MEGF9: variants seen among roughly 807,000 people sequenced by gnomAD.
MEGF9 encodes the protein multiple EGF like domains 9.
A neutral mutation model predicts 46.8 loss-of-function variants in MEGF9; 6 were observed. The observed-to-expected ratio is 0.13, with a 90% CI of 0.07 to 0.25. The LOEUF (loss-of-function observed/expected upper bound fraction) is 0.25. MEGF9 is among the 10% of genes least tolerant of loss of function. The probability of loss-of-function intolerance (pLI) is 1.00; values close to 1 mark genes in which losing one functional copy is unlikely to be tolerated. For synonymous variants in MEGF9, 302 were observed against 330.7 expected, an observed-to-expected ratio of 0.91 and a Z score of 0.94; for missense variants, 683 against 792.4, an observed-to-expected ratio of 0.86 and a Z score of 1.66.
chr9:120,638,619 C>T (rs767102513), intron 2 of MEGF9, among the ~76,000 whole-genome samples: 10 of 152,168 alleles, frequency 6.6e-5, no homozygotes, highest in African/African-American at 1.2e-4. Context: ...CCATCAGCAA[C>T]GGAATAATGG....
At chr9:120,650,622 G>A (rs1211918742) in intron 2 of MEGF9, among the ~76,000 whole-genome samples, 2 of 152,204 alleles carry the variant, frequency 1.3e-5, no homozygotes, top group African/African-American at 4.8e-5. Flanking sequence ...ATAAAGAATA[G>A]GGAAATGAAT....
At chr9:120,656,546 C>CA (rs11446439) in intron 2 of MEGF9, among the ~76,000 whole-genome samples, 53,777 of 88,642 alleles carry the variant, frequency 0.61, 16,571 homozygotes, top group South Asian at 0.71. Context: ...GACTCCGTCT[C>CA]AAAAAAAAAA....
chr9:120,659,405 G>T lies in MEGF9; in HGVS notation c.772C>A (p.Pro258Thr). The part of the protein sequence containing the change: ...SGLCQPCDCS[P>T]HGALSIPCNS... ...CACGGTATGCTGAGAGCTCCATGTG[G>T]ACTACAGTCACATGGCTGACAGAGC... is the stretch of plus-strand genomic sequence containing the variant. The change falls in exon 2 of 6, where the codon CCA becomes ACA. Residue 258 changes from proline (P) to threonine (T), a missense_variant. Coordinates refer to ENST00000373930, the MANE Select transcript of MEGF9 (RefSeq NM_001080497.3). 1.2e-6 allele frequency: 2 copies of T among 1,613,774 alleles called. No individual in the cohort carries two copies. Among genetic ancestry groups the T allele is most frequent in the Non-Finnish European group, 1.7e-6 (2 of 1,179,822 alleles).
chr9:120,713,656 T>A, intron 1 of MEGF9, 102 bp downstream of exon 1: 1 of 1,232,080 alleles, frequency 8.1e-7, no homozygotes, highest in Non-Finnish European at 1.0e-6. Flanking sequence ...ACCTGGGGTG[T>A]CTTTGGGGTA....
chr9:120,691,295 T>C (rs1587997369), intron 1 of MEGF9: 1 of 291,874 alleles, frequency 3.4e-6, no homozygotes, highest in Admixed American at 5.6e-5. Context: ...GGCCATGGAG[T>C]GATAGTTGGT....
rs551573174 is a variant in MEGF9 at position 120,704,653 on chromosome 9, C to T, written c.601+9105G>A. Among the ~76,000 whole-genome samples, 6 of 152,236 alleles carry T rather than the reference C, an allele frequency of 3.9e-5. No homozygotes were observed. In the South Asian group the frequency reaches 1.0e-3, roughly 26 times the overall value. On this transcript the variant is annotated intron_variant, in intron 1 of 5. Coordinates refer to ENST00000373930, the MANE Select transcript of MEGF9 (RefSeq NM_001080497.3). ...CTATAAAGGTTTGATCAATATTCAC[C>T]AATAAAAGTACAGAGGACATAAGCC...
At chr9:120,677,841 C>G (rs2043780222) in intron 1 of MEGF9, among the ~76,000 whole-genome samples, 1 of 152,158 alleles carries the variant, frequency 6.6e-6, no homozygotes, top group Non-Finnish European at 1.5e-5. Flanking sequence ...AATTTTGCCA[C>G]TTAGTAAGAG....
In MEGF9 at chr9:120,605,086, G is replaced by T; in HGVS notation, c.*104C>A. Reference sequence around the variant, plus strand: ...CCTGAAAATTTCAGATGCACTATTTGCCTTTGCTTTCTCAGCAAACTCTAG... The same window carrying T: ...CCTGAAAATTTCAGATGCACTATTTTCCTTTGCTTTCTCAGCAAACTCTAG... On this transcript the variant is annotated 3_prime_UTR_variant, in exon 6 of 6. Transcript: ENST00000373930. The surrounding 1 kb of genome is among the most constrained non-coding windows in gnomAD (Gnocchi z 4.0). 1.7e-6 allele frequency: 2 copies of T among 1,148,298 alleles called. No homozygotes were observed. The highest frequency in any genetic ancestry group is 1.2e-6 in the Non-Finnish European group (1 of 812,908). The allele number at this position is 1,148,298 out of a possible 1,614,324, so 71.1% of individuals were successfully genotyped here.
At chr9:120,617,133 G>A (rs1174620132) in intron 3 of MEGF9, among the ~76,000 whole-genome samples, 1 of 152,002 alleles carries the variant, frequency 6.6e-6, no homozygotes, top group African/African-American at 2.4e-5. Context: ...CCAAAGGGTG[G>A]ATCAAAAGAA....
chr9:120,619,710 C>A (rs1309444717), intron 3 of MEGF9, among the ~76,000 whole-genome samples: 5 of 152,174 alleles, frequency 3.3e-5, no homozygotes, highest in African/African-American at 1.2e-4. Context: ...ATTTAGAATT[C>A]TTTCCTTAGA....
intron 2 of MEGF9, among the ~76,000 whole-genome samples, chr9:120,655,849 T>G (rs2043674220): frequency 6.6e-6 from 1 of 152,224 alleles, no homozygotes; most frequent in African/African-American, 2.4e-5. Context: ...TGATATTTGG[T>G]GCACCTTTCA....
In MEGF9 at chr9:120,703,405, T is replaced by C. The variant is rs1210420301; in HGVS notation, c.601+10353A>G. ...GTAAGCCTGACAGGCTTGAGCAAACTACTTTAACTTTCTGAATCCCAGTGT... is the reference window on the plus strand; with the variant it reads ...GTAAGCCTGACAGGCTTGAGCAAACCACTTTAACTTTCTGAATCCCAGTGT... On this transcript the variant is annotated intron_variant, in intron 1 of 5. Coordinates refer to ENST00000373930, the MANE Select transcript of MEGF9 (RefSeq NM_001080497.3). 3.3e-5 allele frequency among the ~76,000 whole-genome samples: 5 copies of C among 152,214 alleles called. No homozygotes were observed. The East Asian group carries it at 9.6e-4, about 29-fold the overall frequency.
In MEGF9 at chr9:120,714,146, C is replaced by T. The variant is rs1459326253; in HGVS notation, c.213G>A (p.Thr71=). ...GEPSHPFPRA[T]APTAQAPRTG... is the part of the protein sequence containing the mutation. ...TCCTCGGGGCCTGGGCCGTGGGAGC[C>T]GTCGCCCTAGGGAAGGGGTGGCTGG... Residue 71 remains threonine, a synonymous_variant, in exon 1 of 6, where the codon ACG becomes ACA. Coordinates refer to ENST00000373930, the MANE Select transcript of MEGF9 (RefSeq NM_001080497.3). 4.0e-6 allele frequency: 5 copies of T among 1,235,642 alleles called. No individual in the cohort carries two copies. The African/African-American group carries it at 7.8e-5, about 19-fold the overall frequency. The allele number at this position is 1,235,642 out of a possible 1,614,324, so 76.5% of individuals were successfully genotyped here. A position where few individuals can be genotyped will look rare whatever the true frequency, so the allele number is the denominator to read the frequency against.
intron 1 of MEGF9, among the ~76,000 whole-genome samples, chr9:120,688,737 G>A (rs539576848): frequency 5.9e-5 from 9 of 152,200 alleles, no homozygotes; most frequent in South Asian, 2.1e-4. Context: ...CATAGGAAGC[G>A]TATGGTAAGT....
chr9:120,605,711 T>C lies in MEGF9; in HGVS notation c.1358-70A>G. The C allele has an allele frequency of 8.8e-7, 1 of 1,130,620 alleles. No homozygotes were observed. The highest frequency in any genetic ancestry group is 1.3e-6 in the Non-Finnish European group (1 of 799,574). 70.0% of individuals were successfully genotyped at this position (1,130,620 alleles called of 1,614,324 possible). A position where few individuals can be genotyped will look rare whatever the true frequency, so the allele number is the denominator to read the frequency against. On this transcript the variant is annotated intron_variant, in intron 5 of 5. Coordinates refer to ENST00000373930, the MANE Select transcript of MEGF9 (RefSeq NM_001080497.3). This position sits in a 1 kb window ranked among gnomAD's most constrained non-coding sequence, Gnocchi z 4.0. ...TAGTTTTGAGAAACAATAAAAGAAA[T>C]ACGCATGGGAGTGAATGTTGATGTA...
At chr9:120,699,402 G>A (rs1402570796) in intron 1 of MEGF9, among the ~76,000 whole-genome samples, 2 of 151,862 alleles carry the variant, frequency 1.3e-5, no homozygotes, top group African/African-American at 2.4e-5. Context: ...TGTAGAAAAT[G>A]AACATAGATT....
intron 4 of MEGF9, among the ~76,000 whole-genome samples, chr9:120,611,380 G>A (rs2132298558): frequency 6.6e-6 from 1 of 152,220 alleles, no homozygotes; most frequent in Middle Eastern, 3.4e-3. Context: ...GCAATGAAAT[G>A]GGGTATAACA....
intron 1 of MEGF9, among the ~76,000 whole-genome samples, chr9:120,687,500 T>C (rs1489218111): frequency 6.6e-6 from 1 of 152,094 alleles, no homozygotes; most frequent in Non-Finnish European, 1.5e-5. Flanking sequence ...CAAATGATTA[T>C]CAATAAGAAA....
Position 120,696,106 on chromosome 9 carries a change from T to C in MEGF9, c.601+17652A>G, listed in dbSNP as rs549528303. On this transcript the variant is annotated intron_variant, in intron 1 of 5. Transcript: ENST00000373930. ...TGTGAGTGGTGATGTCAGTGGCATA[T>C]ATTCAATGGACACAACTGACTATTA... Among the ~76,000 whole-genome samples the C allele has an allele frequency of 1.1e-3, 164 of 152,336 alleles. 1 individual carries two copies. The highest frequency in any genetic ancestry group is 1.9e-3 in the Non-Finnish European group (128 of 68,036).
Sources: gnomAD v4.1 joint callset for allele counts (sites outside exome capture counted in the v4.1 genomes callset) on GRCh38, gnomAD v4.1.1 for gene constraint, Gnocchi (gnomAD v3.1) non-coding constraint, MANE v1.5 for transcripts, NCBI Gene and HGNC (gene_info 2026-07-23, HGNC 2026-07-21) for gene names.